The following AGBL1 variants were observed in gnomAD, a reference collection of about 807,000 sequenced individuals.
AGBL1 encodes the protein cytosolic carboxypeptidase 4.
A neutral mutation model predicts 118.9 loss-of-function variants in AGBL1; 130 were observed. That is an observed-to-expected ratio of 1.09 (90% CI 0.95 to 1.26). The LOEUF is 1.26. AGBL1 is among the 50% of genes most tolerant of loss of function. The probability of loss-of-function intolerance (pLI) is 0.00; values close to 1 mark genes in which losing one functional copy is unlikely to be tolerated. For synonymous variants in AGBL1, 555 were observed against 478.9 expected, an observed-to-expected ratio of 1.16 and a Z score of -2.08; for missense variants, 1,584 against 1,298.1, an observed-to-expected ratio of 1.22 and a Z score of -3.38.
intron 16 of AGBL1, among the ~76,000 whole-genome samples, chr15:86,280,245 G>A (rs2345976): frequency 0.7 from 106,652 of 152,070 alleles, 38,948 homozygotes; most frequent in African/African-American, 0.88. Flanking sequence ...AGCCACGCCA[G>A]CATCTCCAGT....
intron 22 of AGBL1, among the ~76,000 whole-genome samples, chr15:86,705,481 G>A (rs761797396): frequency 1.6e-4 from 25 of 152,154 alleles, no homozygotes; most frequent in Non-Finnish European, 1.0e-4. Flanking sequence ...GGTAATCCAC[G>A]TAAAGTGTTC....
intron 22 of AGBL1, among the ~76,000 whole-genome samples, chr15:86,899,541 T>TA (rs2080182581): frequency 3.9e-5 from 6 of 152,126 alleles, no homozygotes; most frequent in Admixed American, 3.9e-4. Context: ...AAATAAATGT[T>TA]AAAAAAGTAG....
intron 22 of AGBL1, among the ~76,000 whole-genome samples, chr15:86,906,537 G>A (rs975992459): frequency 6.6e-6 from 1 of 152,168 alleles, no homozygotes; most frequent in Admixed American, 6.5e-5. Context: ...AAGGAGAACC[G>A]TGTAATATGA....
intron 21 of AGBL1, among the ~76,000 whole-genome samples, chr15:86,602,080 CTCTTCCCTTTCT>C (rs2142372580): frequency 6.6e-6 from 1 of 151,870 alleles, no homozygotes; most frequent in Admixed American, 6.6e-5. Context: ...TTTCTTTTTC[CTCTTCCCTTTCT>C]TCTTCCCTCT....
chr15:86,735,713 C>T (rs761405461), intron 22 of AGBL1, among the ~76,000 whole-genome samples: 1 of 148,602 alleles, frequency 6.7e-6, no homozygotes, highest in Non-Finnish European at 1.5e-5. Flanking sequence ...TTTCAAATAT[C>T]TTATTTTGTC....
intron 22 of AGBL1, among the ~76,000 whole-genome samples, chr15:86,724,130 GGAGGCT>G (rs2086780724): frequency 6.6e-6 from 1 of 151,904 alleles, no homozygotes; most frequent in Admixed American, 6.6e-5. Flanking sequence ...CAGCTACTTG[GGAGGCT>G]GAGGCAGGAG....
intron 24 of AGBL1, among the ~76,000 whole-genome samples, chr15:86,990,786 G>T (rs186688431): frequency 6.6e-6 from 1 of 152,148 alleles, no homozygotes; most frequent in Non-Finnish European, 1.5e-5. Context: ...GTCTACCTCC[G>T]AAGGTGGTTC....
At chr15:86,127,116 A>C (rs2076757519) in intron 1 of AGBL1, among the ~76,000 whole-genome samples, 1 of 152,200 alleles carries the variant, frequency 6.6e-6, no homozygotes. Flanking sequence ...AACAAGGGGG[A>C]AAACTACAGG....
intron 22 of AGBL1, among the ~76,000 whole-genome samples, chr15:86,900,305 TC>T (rs900963844): frequency 1.3e-5 from 2 of 152,132 alleles, no homozygotes; most frequent in South Asian, 2.1e-4. Flanking sequence ...ATTAGTTCTG[TC>T]CCTTTAGAGA....
chr15:86,166,318 T>G (rs556336403), intron 5 of AGBL1, among the ~76,000 whole-genome samples: 89 of 152,308 alleles, frequency 5.8e-4, no homozygotes, highest in Non-Finnish European at 1.1e-3. Context: ...AATGATGTAG[T>G]GTATGAGGAA....
At position 86,752,481 on chromosome 15, in the gene AGBL1, A is replaced by G. The variant is rs2077869639; in HGVS notation, c.3158+78045A>G. Among the ~76,000 whole-genome samples, 3 of 152,076 alleles carry G rather than the reference A, an allele frequency of 2.0e-5. 1 individual carries two copies. Among genetic ancestry groups the G allele is most frequent in the South Asian group, 4.1e-4 (2 of 4,828 alleles). On this transcript the variant is annotated intron_variant, in intron 22 of 22. Coordinates refer to ENST00000614907, the MANE Select transcript of AGBL1 (RefSeq NM_001386094.1). ...TTCCTGAGGTAATGAGTTTGAGTCT[A>G]GTGATGTGGTGATAGGAGATGCAGG...
At chr15:87,018,223 C>A (rs1480850162) in intron 24 of AGBL1, among the ~76,000 whole-genome samples, 1 of 152,124 alleles carries the variant, frequency 6.6e-6, no homozygotes, top group African/African-American at 2.4e-5. Flanking sequence ...CTTCTTCAAC[C>A]TAGTAAGACA....
Position 86,909,843 on chromosome 15 carries a change from T to C in AGBL1, c.*2549T>C, listed in dbSNP as rs2080325993. On this transcript the variant is annotated 3_prime_UTR_variant, in exon 23 of 23. Transcript: ENST00000614907. The stretch of plus-strand genomic sequence containing the variant: ...AGTTTTGGGGGTTAGCTTCTGGTCA[T>C]GAGGCATGTTTCTTAAAAAACGTGA... 6.6e-6 allele frequency: 1 copy of C among 152,234 alleles called. No individual in the cohort carries two copies. The highest frequency in any genetic ancestry group is 1.5e-5 in the Non-Finnish European group (1 of 68,036). The allele number at this position is 152,234 out of a possible 1,614,324, so 9.4% of individuals were successfully genotyped here. A position where few individuals can be genotyped will look rare whatever the true frequency, so the allele number is the denominator to read the frequency against.
Position 86,671,310 on chromosome 15 carries a change from C to G in AGBL1, c.2995-2963C>G, listed in dbSNP as rs145384876. On this transcript the variant is annotated intron_variant, in intron 21 of 22. Coordinates refer to ENST00000614907, the MANE Select transcript of AGBL1 (RefSeq NM_001386094.1). ...AACAGGAGAATGGCAGATAGTGTGGCCTTTATTTTATTACATTGCTGAAAT... is the reference window on the plus strand; with the variant it reads ...AACAGGAGAATGGCAGATAGTGTGGGCTTTATTTTATTACATTGCTGAAAT... Among the ~76,000 whole-genome samples the G allele has an allele frequency of 1.8e-3, 281 of 152,142 alleles. 1 individual carries two copies. The highest frequency in any genetic ancestry group is 6.6e-3 in the African/African-American group (272 of 41,512).
At chr15:86,944,403 G>T (rs914902377) in intron 23 of AGBL1, among the ~76,000 whole-genome samples, 2 of 150,608 alleles carry the variant, frequency 1.3e-5, no homozygotes. Flanking sequence ...AATAATGAGG[G>T]CAGGCATGTT....
chr15:86,790,137 C>T (rs1165505711), intron 22 of AGBL1, among the ~76,000 whole-genome samples: 2 of 152,130 alleles, frequency 1.3e-5, no homozygotes, highest in Non-Finnish European at 1.5e-5. Flanking sequence ...GCATTTTGCA[C>T]TTGGCAACCA....
chr15:86,232,640 C>T (rs1597596027), intron 6 of AGBL1, among the ~76,000 whole-genome samples: 1 of 152,068 alleles, frequency 6.6e-6, no homozygotes, highest in South Asian at 2.1e-4. Flanking sequence ...CATGATGGAT[C>T]GGGACTTACG....
At chr15:86,810,812 G>T (rs181429478) in intron 22 of AGBL1, among the ~76,000 whole-genome samples, 1 of 152,142 alleles carries the variant, frequency 6.6e-6, no homozygotes, top group Admixed American at 6.5e-5. Flanking sequence ...TGCATTTCTG[G>T]TATTGACTAG....
chr15:86,617,165 A>G (rs2447271), intron 21 of AGBL1, among the ~76,000 whole-genome samples: 144,025 of 152,278 alleles, frequency 0.95, 68,150 homozygotes, highest in East Asian at 1. Flanking sequence ...CATTCTATAA[A>G]GGGTCCTGCT....
Sources: allele counts gnomAD v4.1 joint callset (sites outside exome capture counted in the v4.1 genomes callset), GRCh38; gene constraint gnomAD v4.1.1; transcripts MANE v1.5; gene names NCBI Gene and HGNC (gene_info 2026-07-23, HGNC 2026-07-21).